Variants in NRG3 observed in about 807,000 individuals in gnomAD.
NRG3 encodes pro-neuregulin-3, membrane-bound isoform.
Under a neutral mutation model 66.9 loss-of-function variants are expected in NRG3, and 31 were observed. The observed-to-expected ratio is 0.46, with a 90% CI of 0.35 to 0.63. NRG3 has a LOEUF of 0.63. Ranked by LOEUF, NRG3 falls within the 20% of genes least tolerant of loss-of-function variation. NRG3 has a pLI of 0.00. For missense variants in NRG3, 910 were observed against 878.9 expected, an observed-to-expected ratio of 1.04 and a Z score of -0.45; for synonymous variants, 393 against 359.4, an observed-to-expected ratio of 1.09 and a Z score of -1.06.
intron 2 of NRG3, among the ~76,000 whole-genome samples, chr10:82,379,910 CAAA>C (rs11423046): frequency 2.5e-5 from 2 of 78,556 alleles, no homozygotes; most frequent in Non-Finnish European, 5.6e-5. Context: ...ATGAACAATC[CAAA>C]AAAAAAAAAA....
intron 1 of NRG3, among the ~76,000 whole-genome samples, chr10:81,952,218 G>A (rs1849431256): frequency 6.6e-6 from 1 of 152,108 alleles, no homozygotes; most frequent in Admixed American, 6.6e-5. Context: ...TTGTGCACAT[G>A]TACCCTAAAA....
chr10:82,131,145 A>G (rs1187222228), intron 1 of NRG3, among the ~76,000 whole-genome samples: 2 of 152,124 alleles, frequency 1.3e-5, no homozygotes, highest in African/African-American at 4.8e-5. Flanking sequence ...AGTATCCCCA[A>G]TGTTCTCTTT....
intron 2 of NRG3, among the ~76,000 whole-genome samples, chr10:82,466,620 C>T (rs565656477): frequency 1.2e-4 from 18 of 152,198 alleles, no homozygotes; most frequent in Admixed American, 1.2e-3. Context: ...AGAACCCATG[C>T]AGAAAGGTGA....
intron 1 of NRG3, among the ~76,000 whole-genome samples, chr10:82,100,744 A>G (rs2066680119): frequency 6.6e-6 from 1 of 151,986 alleles, no homozygotes; most frequent in African/African-American, 2.4e-5. Flanking sequence ...ATTACCATTT[A>G]TATATAGTGC....
At chr10:82,712,519 G>C (rs2056735559) in intron 2 of NRG3, among the ~76,000 whole-genome samples, 1 of 152,228 alleles carries the variant, frequency 6.6e-6, no homozygotes, top group African/African-American at 2.4e-5. Flanking sequence ...TTCCGAAGGA[G>C]TAAATCTGAG....
At chr10:82,187,757 T>C (rs1461745835) in intron 1 of NRG3, among the ~76,000 whole-genome samples, 1 of 152,160 alleles carries the variant, frequency 6.6e-6, no homozygotes, top group Non-Finnish European at 1.5e-5. Context: ...TGGTATATAT[T>C]GAAAGGATCG....
At chr10:82,815,445 G>C (rs2061666484) in intron 3 of NRG3, among the ~76,000 whole-genome samples, 1 of 152,050 alleles carries the variant, frequency 6.6e-6, no homozygotes, top group Admixed American at 6.6e-5. Flanking sequence ...TGACACTTTT[G>C]TTTCTTTAAA....
At chr10:82,278,513 G>A (rs892751560) in intron 1 of NRG3, among the ~76,000 whole-genome samples, 7 of 152,112 alleles carry the variant, frequency 4.6e-5, no homozygotes, top group African/African-American at 1.7e-4. Context: ...CTGGCAGGAT[G>A]ATTTCTGTCA....
At chr10:82,923,114 A>G (rs969340461) in intron 4 of NRG3, among the ~76,000 whole-genome samples, 3 of 152,218 alleles carry the variant, frequency 2.0e-5, no homozygotes, top group Non-Finnish European at 2.9e-5. Context: ...ATTCTAAAAT[A>G]CAAAGATGAT....
chr10:81,999,858 A>G (rs1422430203), intron 1 of NRG3, among the ~76,000 whole-genome samples: 2 of 152,196 alleles, frequency 1.3e-5, no homozygotes, highest in Non-Finnish European at 2.9e-5. Context: ...GGGAGCTGAG[A>G]CACAGGGAGT....
chr10:82,534,337 C>T (rs907450910), intron 2 of NRG3, among the ~76,000 whole-genome samples: 2 of 151,640 alleles, frequency 1.3e-5, no homozygotes, highest in Admixed American at 1.3e-4. Context: ...AATCTTGGCT[C>T]GCTGCAACCT....
chr10:82,864,543 G>A (rs1417471810), intron 3 of NRG3, among the ~76,000 whole-genome samples: 1 of 152,092 alleles, frequency 6.6e-6, no homozygotes, highest in Non-Finnish European at 1.5e-5. Context: ...AGAAAAAAAT[G>A]TTAATTAATG....
chr10:82,788,303 C>T (rs116818573), intron 3 of NRG3, among the ~76,000 whole-genome samples: 98 of 152,270 alleles, frequency 6.4e-4, no homozygotes, highest in African/African-American at 2.2e-3. Context: ...GGAGCTGTGG[C>T]TCATGCCTGT....
At position 82,687,643 on chromosome 10, in the gene NRG3, G is replaced by A. The variant is rs77734099; in HGVS notation, c.954-50934G>A. On this transcript the variant is annotated intron_variant, in intron 2 of 8. Coordinates refer to ENST00000372141, the MANE Select transcript of NRG3 (RefSeq NM_001010848.4). ...TATTAGGAGCAGAGCTAAAAGGCAG[G>A]AATCAAGTTGCATGTTGGTGAAGAT... is the stretch of plus-strand genomic sequence containing the variant. Among the ~76,000 whole-genome samples the A allele has an allele frequency of 3.8e-3, 582 of 152,210 alleles. 3 individuals carry two copies. The highest frequency in any genetic ancestry group is 0.012 in the African/African-American group (515 of 41,532).
intron 2 of NRG3, among the ~76,000 whole-genome samples, chr10:82,504,863 T>A (rs1844527647): frequency 6.6e-6 from 1 of 151,154 alleles, no homozygotes; most frequent in African/African-American, 2.4e-5. Flanking sequence ...TACATCACAC[T>A]TTTTTTTACT....
chr10:82,792,646 T>C (rs951014757), intron 3 of NRG3, among the ~76,000 whole-genome samples: 2 of 152,116 alleles, frequency 1.3e-5, no homozygotes, highest in Non-Finnish European at 2.9e-5. Context: ...TTTAGGATGA[T>C]TTAATTATTT....
chr10:82,223,623 T>C (rs1456195193), intron 1 of NRG3, among the ~76,000 whole-genome samples: 2 of 147,354 alleles, frequency 1.4e-5, no homozygotes, highest in African/African-American at 5.1e-5. Context: ...AGTGTAGTAA[T>C]ATTCCAGCAA....
intron 2 of NRG3, among the ~76,000 whole-genome samples, chr10:82,592,455 G>A (rs1363425269): frequency 6.6e-6 from 1 of 152,130 alleles, no homozygotes; most frequent in Non-Finnish European, 1.5e-5. Flanking sequence ...TTCTAGGCAG[G>A]CAAAGAAATA....
intron 2 of NRG3, among the ~76,000 whole-genome samples, chr10:82,417,589 T>C (rs75261456): frequency 6.6e-6 from 1 of 152,214 alleles, no homozygotes; most frequent in Non-Finnish European, 1.5e-5. Flanking sequence ...CATTAACTTA[T>C]GCTATTGTCC....
Sources: allele counts gnomAD v4.1 joint callset (sites outside exome capture counted in the v4.1 genomes callset), GRCh38; gene constraint gnomAD v4.1.1; transcripts MANE v1.5; gene names NCBI Gene and HGNC (gene_info 2026-07-23, HGNC 2026-07-21).